PCDHA7: variants seen among roughly 807,000 people sequenced by gnomAD.
PCDHA7 encodes protocadherin alpha 7, also known as protocadherin alpha-7.
Under a neutral mutation model 57.2 loss-of-function variants are expected in PCDHA7, and 37 were observed. The ratio of observed to expected loss-of-function variants is 0.65; its 90% CI spans 0.50 to 0.85. The LOEUF is 0.85. Among genes scored for constraint, PCDHA7 ranks in the 40% least tolerant of loss-of-function variants. The probability of loss-of-function intolerance (pLI) is 0.00; values close to 1 mark genes in which losing one functional copy is unlikely to be tolerated. For synonymous variants in PCDHA7, 553 were observed against 558.8 expected, an observed-to-expected ratio of 0.99 and a Z score of 0.15; for missense variants, 1,188 against 1,241.8, an observed-to-expected ratio of 0.96 and a Z score of 0.65.
At chr5:141,007,395 C>CAAAAAA (rs35800918) in intron 3 of PCDHA7, among the ~76,000 whole-genome samples, 36 of 94,826 alleles carry the variant, frequency 3.8e-4, no homozygotes, top group African/African-American at 6.0e-4. Context: ...TACTAAAATA[C>CAAAAAA]AAAAAAAAAA....
intron 1 of PCDHA7, chr5:140,882,138 T>C: frequency 6.7e-7 from 1 of 1,489,248 alleles, no homozygotes; most frequent in South Asian, 1.4e-5. Context: ...CTGCAGAAAA[T>C]ATAGCAGAAA....
intron 1 of PCDHA7, chr5:140,841,306 G>A (rs2150313155): frequency 3.8e-6 from 6 of 1,579,894 alleles, no homozygotes; most frequent in South Asian, 3.5e-5. Context: ...TTTCTGATAG[G>A]AAACGACTAT....
At chr5:140,934,508 C>G (rs2089875994) in intron 1 of PCDHA7, among the ~76,000 whole-genome samples, 1 of 152,096 alleles carries the variant, frequency 6.6e-6, no homozygotes, top group African/African-American at 2.4e-5. Flanking sequence ...CCCAAAGGGT[C>G]CATAGACCAC....
intron 1 of PCDHA7, among the ~76,000 whole-genome samples, chr5:140,903,405 G>A (rs2070271184): frequency 6.6e-6 from 1 of 152,184 alleles, no homozygotes; most frequent in Non-Finnish European, 1.5e-5. Flanking sequence ...CAGTAGTGCA[G>A]TCAGGAAAAA....
intron 3 of PCDHA7, among the ~76,000 whole-genome samples, chr5:140,988,127 C>T (rs1285717954): frequency 2.0e-5 from 3 of 152,120 alleles, no homozygotes; most frequent in African/African-American, 7.2e-5. Flanking sequence ...GCATGCTGTT[C>T]CACTAACCTG....
chr5:140,836,028 G>A lies in PCDHA7; in HGVS notation c.1645G>A (p.Val549Met). 6.2e-7 allele frequency: 1 copy of A among 1,613,510 alleles called. No homozygotes were observed. The highest frequency in any genetic ancestry group is 8.5e-7 in the Non-Finnish European group (1 of 1,179,750). Residue 549 changes from valine to methionine, a missense_variant, in exon 1 of 4, where the codon GTG becomes ATG. This residue lies in a region of PCDHA7 where 892 missense variants were observed against 788.5 expected (regional missense o/e 1.13). Coordinates refer to ENST00000525929, the MANE Select transcript of PCDHA7 (RefSeq NM_018910.3). ...DAGVPPLGSN[V>M]TLQVFVLDEN... ...GGGCGTGCCGCCTCTGGGCAGCAACGTGACGCTGCAGGTGTTCGTGCTGGA... is the reference window on the plus strand; with the variant it reads ...GGGCGTGCCGCCTCTGGGCAGCAACATGACGCTGCAGGTGTTCGTGCTGGA...
chr5:140,963,771 GA>G (rs1459827253), intron 1 of PCDHA7, among the ~76,000 whole-genome samples: 2 of 152,164 alleles, frequency 1.3e-5, no homozygotes, highest in African/African-American at 4.8e-5. Context: ...ATTTCATGAC[GA>G]CAGCAACAAC....
intron 1 of PCDHA7, among the ~76,000 whole-genome samples, chr5:140,878,496 C>G (rs562678244): frequency 7.2e-5 from 11 of 152,174 alleles, no homozygotes; most frequent in Non-Finnish European, 1.6e-4. Flanking sequence ...ATTTAACCAT[C>G]TGTACGATAC....
intron 1 of PCDHA7, chr5:140,849,562 C>G (rs1188964395): frequency 6.3e-7 from 1 of 1,598,438 alleles, no homozygotes; most frequent in Non-Finnish European, 8.6e-7. Context: ...AAAACGCTCT[C>G]GGTTCCTGTA....
At chr5:141,004,179 G>A (rs2098156608) in intron 3 of PCDHA7, among the ~76,000 whole-genome samples, 1 of 152,206 alleles carries the variant, frequency 6.6e-6, no homozygotes, top group Non-Finnish European at 1.5e-5. Flanking sequence ...CAAGTGTCTT[G>A]AGTGCTCTTA....
chr5:140,927,508 C>T lies in PCDHA7; in HGVS notation c.2356-51441C>T, dbSNP rs551245842. On this transcript the variant is annotated intron_variant, in intron 1 of 3. Coordinates refer to ENST00000525929, the MANE Select transcript of PCDHA7 (RefSeq NM_018910.3). The stretch of plus-strand genomic sequence containing the variant: ...CACCCACCTGCTGGTGCTTACAGCT[C>T]GGGACGGCGGGCTACCTGCCCGCTC... The T allele has an allele frequency of 9.9e-6, 16 of 1,614,074 alleles. No individual in the cohort carries two copies. In the South Asian group the frequency reaches 1.4e-4, roughly 14 times the overall value.
At chr5:140,841,903 C>A in intron 1 of PCDHA7, 5 of 1,613,800 alleles carry the variant, frequency 3.1e-6, no homozygotes, top group Non-Finnish European at 4.2e-6. Flanking sequence ...TGGTTGAGCT[C>A]GTATTAAGAA....
At chr5:140,993,450 CTTCT>C (rs1279887965) in intron 3 of PCDHA7, among the ~76,000 whole-genome samples, 2 of 137,074 alleles carry the variant, frequency 1.5e-5, no homozygotes, top group South Asian at 2.5e-4. Flanking sequence ...TCCTGTTCTC[CTTCT>C]TTCTTTCTCA....
intron 1 of PCDHA7, chr5:140,870,855 G>A: frequency 6.2e-7 from 1 of 1,613,910 alleles, no homozygotes; most frequent in Non-Finnish European, 8.5e-7. Flanking sequence ...CGCGGTCGGT[G>A]GGTGCGGGCC....
intron 3 of PCDHA7, among the ~76,000 whole-genome samples, chr5:140,997,500 C>T (rs567570276): frequency 5.3e-4 from 80 of 152,250 alleles, no homozygotes; most frequent in South Asian, 3.9e-3. Context: ...TGTATCTCAA[C>T]ATACCTAAAC....
chr5:140,969,129 C>G (rs576180714), intron 1 of PCDHA7: 4 of 1,614,144 alleles, frequency 2.5e-6, no homozygotes, highest in Admixed American at 1.7e-5. Context: ...GGCTCCCTCA[C>G]CAAGACCTAC....
At chr5:140,863,193 G>A (rs1271562908) in intron 1 of PCDHA7, 15 of 840,280 alleles carry the variant, frequency 1.8e-5, no homozygotes, top group Non-Finnish European at 2.3e-5. Context: ...CCGTGGTGGC[G>A]TCGCTGGCGG....
At chr5:140,985,167 G>C (rs905296036) in intron 3 of PCDHA7, among the ~76,000 whole-genome samples, 2 of 152,176 alleles carry the variant, frequency 1.3e-5, no homozygotes, top group Admixed American at 1.3e-4. Context: ...TCAATCTCCT[G>C]ACCTCGTAAT....
Position 140,919,359 on chromosome 5 carries a change from G to A in PCDHA7, c.2356-59590G>A, listed in dbSNP as rs188480486. Among the ~76,000 whole-genome samples, 421 of 152,262 alleles carry A rather than the reference G, an allele frequency of 2.8e-3. 2 individuals carry two copies. The highest frequency in any genetic ancestry group is 0.014 in the Middle Eastern group (4 of 294). ...TGTTTGTATCTTTGAATCTAAAAGTGTCTCCTGCAGACAACACATAGTTGG... is the reference window on the plus strand; with the variant it reads ...TGTTTGTATCTTTGAATCTAAAAGTATCTCCTGCAGACAACACATAGTTGG... On this transcript the variant is annotated intron_variant, in intron 1 of 3. Coordinates refer to ENST00000525929, the MANE Select transcript of PCDHA7 (RefSeq NM_018910.3).
Sources: allele counts gnomAD v4.1 joint callset (sites outside exome capture counted in the v4.1 genomes callset), GRCh38; gene constraint gnomAD v4.1.1; regional missense constraint gnomAD v4.1.1; transcripts MANE v1.5; gene names NCBI Gene and HGNC (gene_info 2026-07-23, HGNC 2026-07-21).